CCDC12: variants seen among roughly 807,000 people sequenced by gnomAD.
The protein encoded by CCDC12 is coiled-coil domain-containing protein 12.
Under a neutral mutation model 25.7 loss-of-function variants are expected in CCDC12, and 28 were observed. The ratio of observed to expected loss-of-function variants is 1.09; its 90% CI spans 0.81 to 1.50. The LOEUF is 1.50. CCDC12 is among the 40% of genes most tolerant of loss of function. The pLI, the probability that CCDC12 is intolerant of heterozygous loss-of-function variation, is 0.00. For synonymous variants in CCDC12, 75 were observed against 87.7 expected (o/e 0.86, Z 0.81); for missense variants, 198 against 210.0 (o/e 0.94, Z 0.35).
chr3:46,949,870 T>G (rs891191777), intron 1 of CCDC12, among the ~76,000 whole-genome samples: 13 of 151,810 alleles, frequency 8.6e-5, no homozygotes, highest in Admixed American at 7.9e-4. Context: ...TTACTAAAAC[T>G]ACAAAAATTA....
In CCDC12 at chr3:46,936,789, G is replaced by C. The variant is rs553250792; in HGVS notation, c.164+4209C>G. Among the ~76,000 whole-genome samples, 11 of 152,326 alleles carry C rather than the reference G, an allele frequency of 7.2e-5. 1 individual carries two copies. In the South Asian group the frequency reaches 2.3e-3, roughly 32 times the overall value. On this transcript the variant is annotated intron_variant, in intron 2 of 6. Transcript: ENST00000683445. ...TATATGGAACTGACCACCAGGCAGGGGACACTGAGTGACCTGGAGAGTAAC... is the reference window on the plus strand; with the variant it reads ...TATATGGAACTGACCACCAGGCAGGCGACACTGAGTGACCTGGAGAGTAAC...
intron 3 of CCDC12, chr3:46,925,195 A>G (rs1039003790): frequency 2.6e-5 from 17 of 657,118 alleles, no homozygotes; most frequent in African/African-American, 1.4e-4. Flanking sequence ...TTCAAACCCC[A>G]CTCAGATCCC....
chr3:46,955,781 A>C (rs1041242760), intron 1 of CCDC12, among the ~76,000 whole-genome samples: 10 of 152,248 alleles, frequency 6.6e-5, no homozygotes, highest in African/African-American at 2.4e-4. Flanking sequence ...GATGTGAGTT[A>C]GGAGAGCCAC....
At chr3:46,950,312 T>G (rs1279004489) in intron 1 of CCDC12, among the ~76,000 whole-genome samples, 1 of 15,092 alleles carries the variant, frequency 6.6e-5, no homozygotes, top group African/African-American at 7.1e-5. Flanking sequence ...GATCTACATT[T>G]GCATTTTTTT....
At chr3:46,944,476 G>A (rs1262967441) in intron 1 of CCDC12, among the ~76,000 whole-genome samples, 1 of 152,092 alleles carries the variant, frequency 6.6e-6, no homozygotes, top group Non-Finnish European at 1.5e-5. Flanking sequence ...GGCCCTAGGT[G>A]CACAGCCTCC....
intron 1 of CCDC12, among the ~76,000 whole-genome samples, chr3:46,954,492 T>C (rs553679363): frequency 6.6e-6 from 1 of 152,316 alleles, no homozygotes; most frequent in East Asian, 1.9e-4. Flanking sequence ...ACAGTTTCCT[T>C]GATAGCTGCC....
intron 1 of CCDC12, among the ~76,000 whole-genome samples, chr3:46,970,988 T>C (rs1258155405): frequency 6.6e-6 from 1 of 152,180 alleles, no homozygotes; most frequent in Non-Finnish European, 1.5e-5. Context: ...AAAACTTGGC[T>C]ACCAGAGTAC....
At position 46,956,949 on chromosome 3, in the gene CCDC12, T is replaced by C. The variant is rs2107172476; in HGVS notation, c.97-15884A>G. Among the ~76,000 whole-genome samples the C allele has an allele frequency of 1.3e-5, 2 of 152,232 alleles. 1 individual carries two copies. On this transcript the variant is annotated intron_variant, in intron 1 of 6. Coordinates refer to ENST00000683445, the MANE Select transcript of CCDC12 (RefSeq NM_001277074.2). ...CCAGACCTCGGGTCTCGACCTCAAG[T>C]AGACTGGTGTGTCCAATGCACCATG...
intron 3 of CCDC12, chr3:46,924,066 C>A (rs955263804): frequency 1.7e-5 from 3 of 171,616 alleles, no homozygotes; most frequent in Non-Finnish European, 3.7e-5. Context: ...CCACAGGTGG[C>A]TTTTCCTCCA....
chr3:46,973,689 T>C (rs1328189437), intron 1 of CCDC12, among the ~76,000 whole-genome samples: 1 of 145,868 alleles, frequency 6.9e-6, no homozygotes, highest in Non-Finnish European at 1.5e-5. Flanking sequence ...CTCAGCTCAC[T>C]GCAAGCTCCG....
chr3:46,939,674 G>A (rs1433468691), intron 2 of CCDC12, among the ~76,000 whole-genome samples: 1 of 152,164 alleles, frequency 6.6e-6, no homozygotes, highest in African/African-American at 2.4e-5. Flanking sequence ...CCCACTCACT[G>A]TTTAGCATCA....
intron 1 of CCDC12, among the ~76,000 whole-genome samples, chr3:46,962,931 T>C (rs2107183055): frequency 6.6e-6 from 1 of 152,272 alleles, no homozygotes; most frequent in East Asian, 1.9e-4. Flanking sequence ...GCACAATCCA[T>C]AATAGTTCCA....
chr3:46,933,953 G>A (rs202110870), intron 2 of CCDC12, among the ~76,000 whole-genome samples: 3 of 148,460 alleles, frequency 2.0e-5, no homozygotes, highest in Admixed American at 6.7e-5. Flanking sequence ...ATGGAGTCTC[G>A]CTCTGTCGTC....
intron 2 of CCDC12, among the ~76,000 whole-genome samples, chr3:46,932,782 C>T (rs2033282858): frequency 6.6e-6 from 1 of 152,238 alleles, no homozygotes; most frequent in Admixed American, 6.5e-5. Context: ...GGCCAGAAAG[C>T]ATGAGATAAT....
intron 1 of CCDC12, among the ~76,000 whole-genome samples, chr3:46,943,633 A>C (rs1017584072): frequency 6.6e-6 from 1 of 152,258 alleles, no homozygotes; most frequent in Non-Finnish European, 1.5e-5. Context: ...AAGCAAGGTC[A>C]AACAGCTGTC....
intron 5 of CCDC12, 115 bp from the exon 6 acceptor site, chr3:46,922,427 G>C: frequency 1.8e-6 from 2 of 1,114,202 alleles, no homozygotes; most frequent in Non-Finnish European, 1.4e-6. Flanking sequence ...TTGCTGGAGG[G>C]GGCTGCCCTG....
chr3:46,954,745 GA>G (rs915966658), intron 1 of CCDC12, among the ~76,000 whole-genome samples: 17 of 152,128 alleles, frequency 1.1e-4, no homozygotes, highest in Admixed American at 6.5e-5. Context: ...CCAACATGGT[GA>G]AACCCCATCT....
chr3:46,958,437 T>C lies in CCDC12; in HGVS notation c.97-17372A>G, dbSNP rs139460165. 2.6e-5 allele frequency among the ~76,000 whole-genome samples: 4 copies of C among 152,310 alleles called. No homozygotes were observed. The East Asian group carries it at 5.8e-4, about 22-fold the overall frequency. On this transcript the variant is annotated intron_variant, in intron 1 of 6. Coordinates refer to ENST00000683445, the MANE Select transcript of CCDC12 (RefSeq NM_001277074.2). ...AAGATATACAAGCTCTGGAAAACTT[T>C]GTAATTTTGAATTGGTCTGGTGATA...
In CCDC12 at chr3:46,942,109, G is replaced by A. The variant is rs541581375; in HGVS notation, c.97-1044C>T. 2.0e-5 allele frequency among the ~76,000 whole-genome samples: 3 copies of A among 152,344 alleles called. No homozygotes were observed. In the South Asian group the frequency reaches 6.2e-4, roughly 32 times the overall value. ...AGGTGCACTGGGGGCCACAACAGAA[G>A]GAAACTGCCATACTGCTTCCACCTG... is the stretch of plus-strand genomic sequence containing the variant. On this transcript the variant is annotated intron_variant, in intron 1 of 6. Transcript: ENST00000683445.
Sources: allele counts gnomAD v4.1 joint callset (sites outside exome capture counted in the v4.1 genomes callset), GRCh38; gene constraint gnomAD v4.1.1; transcripts MANE v1.5; gene names NCBI Gene and HGNC (gene_info 2026-07-23, HGNC 2026-07-21).